The following CENPW variants were observed in gnomAD, a reference collection of about 807,000 sequenced individuals.
The protein encoded by CENPW is centromere protein W, also known as cancer-up-regulated gene 2 protein.
Under a neutral mutation model 11.1 loss-of-function variants are expected in CENPW, and 3 were observed. That is an observed-to-expected ratio of 0.27 (90% CI 0.12 to 0.70). The LOEUF is 0.70. Ranked by LOEUF, CENPW falls within the 30% of genes least tolerant of loss-of-function variation. The pLI, the probability that CENPW is intolerant of heterozygous loss-of-function variation, is 0.77. For missense variants in CENPW, 100 were observed against 105.6 expected (o/e 0.95, Z 0.23); for synonymous variants, 38 against 42.0 (o/e 0.91, Z 0.37).
the CENPW span, among the ~76,000 whole-genome samples, chr6:126,427,104 G>C: frequency 1.3e-5 from 2 of 152,096 alleles, no homozygotes; most frequent in Non-Finnish European, 2.9e-5. Context: ...GGGCTTTAGT[G>C]AGGGTTCCTG....
chr6:126,383,245 A>G, the CENPW span, among the ~76,000 whole-genome samples: 1 of 152,228 alleles, frequency 6.6e-6, no homozygotes, highest in African/African-American at 2.4e-5. Context: ...TGTTCCCACC[A>G]GAAATGCCTT....
At chr6:126,364,601 T>C in the CENPW span, among the ~76,000 whole-genome samples, 2 of 152,194 alleles carry the variant, frequency 1.3e-5, no homozygotes, top group Admixed American at 6.5e-5. Flanking sequence ...ACCCTCCATT[T>C]CTGGTGTTAT....
At chr6:126,403,259 A>G in the CENPW span, among the ~76,000 whole-genome samples, 1 of 152,154 alleles carries the variant, frequency 6.6e-6, no homozygotes, top group Non-Finnish European at 1.5e-5. Context: ...TATTTAAGGA[A>G]AGGAGAAGTT....
chr6:126,412,919 C>T, the CENPW span, among the ~76,000 whole-genome samples: 1 of 152,142 alleles, frequency 6.6e-6, no homozygotes, highest in Non-Finnish European at 1.5e-5. Context: ...AGCAATTGGT[C>T]AAGTCTCAAG....
the CENPW span, among the ~76,000 whole-genome samples, chr6:126,425,962 A>AC: frequency 6.6e-6 from 1 of 152,042 alleles, no homozygotes; most frequent in Non-Finnish European, 1.5e-5. Flanking sequence ...CTTATGTATT[A>AC]CAAAAAAATG....
At chr6:126,412,973 C>T in the CENPW span, among the ~76,000 whole-genome samples, 2 of 152,146 alleles carry the variant, frequency 1.3e-5, no homozygotes, top group African/African-American at 2.4e-5. Context: ...AGTAGATTTT[C>T]TCGAATAAAT....
At chr6:126,434,829 G>A in the CENPW span, among the ~76,000 whole-genome samples, 1 of 151,940 alleles carries the variant, frequency 6.6e-6, no homozygotes, top group Non-Finnish European at 1.5e-5. Flanking sequence ...CAAAATCTAA[G>A]TTCTGGAGGA....
the CENPW span, among the ~76,000 whole-genome samples, chr6:126,373,440 A>G: frequency 1.3e-5 from 2 of 152,192 alleles, no homozygotes; most frequent in Non-Finnish European, 2.9e-5. Flanking sequence ...ATGACTGCCT[A>G]TTTTGTTTAT....
At chr6:126,482,645 C>T in the CENPW span, among the ~76,000 whole-genome samples, 5 of 151,924 alleles carry the variant, frequency 3.3e-5, no homozygotes, top group Non-Finnish European at 7.4e-5. Flanking sequence ...AGTGTTTTAT[C>T]AAAACCAGCT....
At chr6:126,471,402 G>C in the CENPW span, among the ~76,000 whole-genome samples, 1,094 of 152,264 alleles carry the variant, frequency 7.2e-3, 12 homozygotes, top group African/African-American at 0.025. Context: ...GCAGAACTAT[G>C]AGACTTTCCT....
chr6:126,452,225 A>G, the CENPW span, among the ~76,000 whole-genome samples: 1 of 151,328 alleles, frequency 6.6e-6, no homozygotes, highest in South Asian at 2.1e-4. Flanking sequence ...CCAGGATTTA[A>G]TTCAAAATAA....
the CENPW span, among the ~76,000 whole-genome samples, chr6:126,478,039 C>G: frequency 1.1e-4 from 16 of 152,058 alleles, no homozygotes; most frequent in African/African-American, 3.6e-4. Context: ...TGAGATCCAA[C>G]TTCCTCTGGC....
the CENPW span, among the ~76,000 whole-genome samples, chr6:126,416,852 C>T: frequency 6.6e-6 from 1 of 152,198 alleles, no homozygotes; most frequent in African/African-American, 2.4e-5. Flanking sequence ...AGAACCTCTG[C>T]TAGGGCAGTG....
the CENPW span, among the ~76,000 whole-genome samples, chr6:126,374,697 C>T: frequency 6.6e-6 from 1 of 152,132 alleles, no homozygotes; most frequent in African/African-American, 2.4e-5. Flanking sequence ...CTAGAGTGAA[C>T]TCTTAATAAA....
chr6:126,452,439 C>T, the CENPW span, among the ~76,000 whole-genome samples: 9 of 150,938 alleles, frequency 6.0e-5, no homozygotes, highest in South Asian at 1.2e-3. Context: ...TACAGGAGAA[C>T]GTATTAGAAA....
At chr6:126,358,675 C>T in the CENPW span, among the ~76,000 whole-genome samples, 1 of 151,914 alleles carries the variant, frequency 6.6e-6, no homozygotes, top group South Asian at 2.1e-4. Flanking sequence ...TTTCTTTTTT[C>T]ATTGTGTCTC....
At chr6:126,368,087 C>G in the CENPW span, among the ~76,000 whole-genome samples, 6 of 152,164 alleles carry the variant, frequency 3.9e-5, no homozygotes, top group Non-Finnish European at 7.3e-5. Flanking sequence ...GGCTACTGGG[C>G]TCTTTCTGTT....
At chr6:126,441,669 A>C in the CENPW span, among the ~76,000 whole-genome samples, 735 of 151,342 alleles carry the variant, frequency 4.9e-3, 9 homozygotes, top group African/African-American at 0.016. Flanking sequence ...GCATCCTCAT[A>C]GTTTAGCCCC....
the CENPW span, among the ~76,000 whole-genome samples, chr6:126,430,360 A>C: frequency 2.0e-5 from 3 of 152,246 alleles, no homozygotes; most frequent in East Asian, 5.8e-4. Flanking sequence ...TTTGCCTTGA[A>C]TAGATTTAAA....
Sources: gnomAD v4.1 joint callset for allele counts (sites outside exome capture counted in the v4.1 genomes callset) on GRCh38, gnomAD v4.1.1 for gene constraint, MANE v1.5 for transcripts, NCBI Gene and HGNC (gene_info 2026-07-23, HGNC 2026-07-21) for gene names.